Variants in RPSA2 observed in about 807,000 individuals in gnomAD.
RPSA2 encodes the protein small ribosomal subunit protein uS2B.
the RPSA2 span, among the ~76,000 whole-genome samples, chr19:23,799,897 G>C: frequency 2.9e-4 from 44 of 152,264 alleles, no homozygotes; most frequent in Admixed American, 1.0e-3. Context: ...GTATGACATG[G>C]TGCTGTGAAT....
At chr19:23,828,624 G>C in the RPSA2 span, among the ~76,000 whole-genome samples, 4 of 146,758 alleles carry the variant, frequency 2.7e-5, no homozygotes, top group African/African-American at 1.0e-4. Context: ...GTAGTTCATA[G>C]AAATTTACTT....
At chr19:23,861,831 T>A in the RPSA2 span, among the ~76,000 whole-genome samples, 4 of 152,180 alleles carry the variant, frequency 2.6e-5, no homozygotes, top group Admixed American at 2.6e-4. Context: ...GACACACTTA[T>A]ATTCTTCCCT....
chr19:23,826,274 C>G, the RPSA2 span, among the ~76,000 whole-genome samples: 41 of 151,642 alleles, frequency 2.7e-4, no homozygotes, highest in Non-Finnish European at 4.6e-4. Flanking sequence ...CTCACTGCAA[C>G]TTCCACCTCC....
At chr19:23,827,182 C>T in the RPSA2 span, 4 of 969,450 alleles carry the variant, frequency 4.1e-6, no homozygotes, top group Non-Finnish European at 4.8e-6. Context: ...CCCTTGATGT[C>T]CTGCAAATGA....
chr19:23,860,221 A>G, the RPSA2 span, among the ~76,000 whole-genome samples: 3 of 152,180 alleles, frequency 2.0e-5, no homozygotes, highest in Non-Finnish European at 4.4e-5. Flanking sequence ...GCAATCATTC[A>G]TGTTTCCAAC....
chr19:23,863,993 C>T, the RPSA2 span, among the ~76,000 whole-genome samples: 1 of 152,120 alleles, frequency 6.6e-6, no homozygotes, highest in Non-Finnish European at 1.5e-5. Flanking sequence ...AGAAAAGGAG[C>T]AAAATCAATG....
At chr19:23,770,997 C>T in the RPSA2 span, among the ~76,000 whole-genome samples, 1 of 152,192 alleles carries the variant, frequency 6.6e-6, no homozygotes, top group African/African-American at 2.4e-5. Context: ...GATGTAGTTT[C>T]TCTCATAGCC....
At chr19:23,761,669 C>A in the RPSA2 span, among the ~76,000 whole-genome samples, 148,623 of 151,922 alleles carry the variant, frequency 0.98, 72,791 homozygotes, top group Middle Eastern at 1. Flanking sequence ...TATTTCCTCA[C>A]CCCTACCTCC....
the RPSA2 span, among the ~76,000 whole-genome samples, chr19:23,868,838 G>T: frequency 2.0e-5 from 3 of 152,142 alleles, no homozygotes; most frequent in Non-Finnish European, 2.9e-5. Flanking sequence ...GGCCAACCAT[G>T]GGCCCGGTCC....
chr19:23,834,393 C>G, the RPSA2 span, among the ~76,000 whole-genome samples: 1 of 151,708 alleles, frequency 6.6e-6, no homozygotes, highest in African/African-American at 2.4e-5. Flanking sequence ...ATGAGAGATT[C>G]TTGTTTATTA....
chr19:23,847,692 A>G, the RPSA2 span, among the ~76,000 whole-genome samples: 2 of 152,298 alleles, frequency 1.3e-5, no homozygotes, highest in East Asian at 3.9e-4. Flanking sequence ...AAAATTTACC[A>G]GGCTGGAGTT....
At chr19:23,791,785 AC>A in the RPSA2 span, among the ~76,000 whole-genome samples, 14 of 6,068 alleles carry the variant, frequency 2.3e-3, no homozygotes, top group Non-Finnish European at 0.02. Flanking sequence ...TATCTCTGAG[AC>A]TGGAGTGCAG....
the RPSA2 span, among the ~76,000 whole-genome samples, chr19:23,849,799 C>T: frequency 2.0e-5 from 3 of 152,094 alleles, no homozygotes; most frequent in Non-Finnish European, 4.4e-5. Context: ...TTTAATACTA[C>T]TGCATGTCAG....
the RPSA2 span, among the ~76,000 whole-genome samples, chr19:23,851,639 T>C: frequency 0.017 from 2,636 of 152,278 alleles, 39 homozygotes; most frequent in Non-Finnish European, 0.029. Context: ...AAGGCAGTAA[T>C]TACAGCAATT....
At chr19:23,867,181 G>A in the RPSA2 span, among the ~76,000 whole-genome samples, 3 of 152,126 alleles carry the variant, frequency 2.0e-5, no homozygotes, top group Non-Finnish European at 4.4e-5. Context: ...ATGGACACAG[G>A]AGCTGATGTG....
chr19:23,849,798 A>C, the RPSA2 span, among the ~76,000 whole-genome samples: 1 of 152,160 alleles, frequency 6.6e-6, no homozygotes, highest in Non-Finnish European at 1.5e-5. Flanking sequence ...TTTTAATACT[A>C]CTGCATGTCA....
the RPSA2 span, among the ~76,000 whole-genome samples, chr19:23,809,781 T>C: frequency 0.98 from 148,731 of 152,058 alleles, 72,830 homozygotes; most frequent in Middle Eastern, 1. Flanking sequence ...CCAACAGCAA[T>C]GTTTTACTTT....
the RPSA2 span, among the ~76,000 whole-genome samples, chr19:23,761,901 A>ATCCTTCCTTCC: frequency 2.9e-5 from 1 of 34,012 alleles, no homozygotes. Context: ...GGGTAACGTA[A>ATCCTTCCTTCC]TTCTTTCTTT....
the RPSA2 span, among the ~76,000 whole-genome samples, chr19:23,773,697 G>C: frequency 6.6e-6 from 1 of 152,124 alleles, no homozygotes; most frequent in East Asian, 1.9e-4. Context: ...AGTCAGAGGT[G>C]GAAAAATTGA....
Sources: gnomAD v4.1 joint callset for allele counts (sites outside exome capture counted in the v4.1 genomes callset) on GRCh38, gnomAD v4.1.1 for gene constraint, MANE v1.5 for transcripts, NCBI Gene and HGNC (gene_info 2026-07-23, HGNC 2026-07-21) for gene names.